Variants in KIAA0319L observed in about 807,000 individuals in gnomAD.
The protein encoded by KIAA0319L is KIAA0319 like, also known as dyslexia-associated protein KIAA0319-like protein.
KIAA0319L carries 55 observed loss-of-function variants against 120.1 expected under a neutral mutation model. That is an observed-to-expected ratio of 0.46 (90% CI 0.37 to 0.57). The LOEUF (loss-of-function observed/expected upper bound fraction) is 0.57, where lower values mean the gene tolerates loss of function less well. Ranked by LOEUF, KIAA0319L falls within the 20% of genes least tolerant of loss-of-function variation. The probability of loss-of-function intolerance (pLI) is 0.00; values close to 1 mark genes in which losing one functional copy is unlikely to be tolerated. For missense variants in KIAA0319L, 1,049 were observed against 1,255.3 expected (o/e 0.84, Z 2.48); for synonymous variants, 398 against 471.9 (o/e 0.84, Z 2.03).
chr1:35,521,718 A>G (rs758151079), intron 2 of KIAA0319L, among the ~76,000 whole-genome samples: 1 of 151,898 alleles, frequency 6.6e-6, no homozygotes, highest in Non-Finnish European at 1.5e-5. Context: ...CACGCCTGTA[A>G]TCCCAGCACT....
intron 13 of KIAA0319L, 88 bp downstream of exon 13, chr1:35,451,540 T>C: frequency 1.5e-6 from 2 of 1,337,184 alleles, no homozygotes; most frequent in African/African-American, 2.9e-5. Flanking sequence ...CTATCTCTAA[T>C]CAATTTCTGC....
At chr1:35,529,333 T>C (rs1646273500) in intron 2 of KIAA0319L, among the ~76,000 whole-genome samples, 1 of 152,254 alleles carries the variant, frequency 6.6e-6, no homozygotes. Context: ...TCCTTTCTTA[T>C]TGTTATGGTT....
At chr1:35,489,122 G>A (rs889667331) in intron 3 of KIAA0319L, among the ~76,000 whole-genome samples, 2 of 152,070 alleles carry the variant, frequency 1.3e-5, no homozygotes, top group Admixed American at 1.3e-4. Context: ...CCAAACTTGG[G>A]AAGTAAATAT....
intron 2 of KIAA0319L, among the ~76,000 whole-genome samples, chr1:35,551,014 C>A (rs1035005172): frequency 2.0e-5 from 3 of 152,196 alleles, no homozygotes; most frequent in African/African-American, 7.2e-5. Context: ...TCATTCACAA[C>A]TATCTAAGTG....
chr1:35,535,269 CA>C (rs1646532140), intron 2 of KIAA0319L, among the ~76,000 whole-genome samples: 1 of 152,146 alleles, frequency 6.6e-6, no homozygotes, highest in Admixed American at 6.6e-5. Flanking sequence ...AAACCACCCT[CA>C]TTTAGTCTAG....
intron 3 of KIAA0319L, among the ~76,000 whole-genome samples, chr1:35,498,165 G>A (rs1644880090): frequency 2.6e-5 from 4 of 151,792 alleles, no homozygotes; most frequent in South Asian, 2.1e-4. Context: ...AAACCCTGTC[G>A]CTACAAAAAT....
Position 35,552,179 on chromosome 1 carries a change from TA to T in KIAA0319L, c.142+2170del, listed in dbSNP as rs1415382955. ...CAACATGGAGAAACCTGGTCTCTAC[TA>T]AAGATACAAAAATTAGCTGGGTGTG... On this transcript the variant is annotated intron_variant, in intron 2 of 20. Transcript: ENST00000325722. Among the ~76,000 whole-genome samples, 4 of 152,266 alleles carry T rather than the reference TA, an allele frequency of 2.6e-5. No individual in the cohort carries two copies. The East Asian group carries it at 7.7e-4, about 29-fold the overall frequency.
At chr1:35,442,816 T>C in intron 18 of KIAA0319L, 90 bp downstream of exon 18, 3 of 1,500,720 alleles carry the variant, frequency 2.0e-6, no homozygotes. Flanking sequence ...TGCCTGCTCA[T>C]CTGCTTCAGA....
At chr1:35,518,597 A>C in intron 2 of KIAA0319L, among the ~76,000 whole-genome samples, 1 of 152,132 alleles carries the variant, frequency 6.6e-6, no homozygotes, top group East Asian at 1.9e-4. Context: ...AAAAATAACT[A>C]TTGGGTACTA....
intron 2 of KIAA0319L, among the ~76,000 whole-genome samples, chr1:35,540,499 T>C (rs1430695530): frequency 1.3e-5 from 2 of 152,054 alleles, no homozygotes; most frequent in Non-Finnish European, 2.9e-5. Context: ...CACTTCCAAC[T>C]TGGGGGCAAA....
At chr1:35,522,615 G>T (rs114408550) in intron 2 of KIAA0319L, among the ~76,000 whole-genome samples, 5 of 151,892 alleles carry the variant, frequency 3.3e-5, no homozygotes, top group Admixed American at 2.0e-4. Context: ...CAATGTACCC[G>T]TATTATTTTC....
chr1:35,534,880 A>AAAAAAAAAAAAAAC (rs1646512646), intron 2 of KIAA0319L, among the ~76,000 whole-genome samples: 1 of 136,960 alleles, frequency 7.3e-6, no homozygotes, highest in Non-Finnish European at 1.5e-5. Context: ...AAAAAAAAAA[A>AAAAAAAAAAAAAAC]AAAGAAAGAA....
intron 2 of KIAA0319L, among the ~76,000 whole-genome samples, chr1:35,525,638 T>C (rs890964927): frequency 2.0e-5 from 3 of 152,204 alleles, no homozygotes; most frequent in Non-Finnish European, 4.4e-5. Context: ...GTTAATCATT[T>C]TTATGTCTGG....
intron 6 of KIAA0319L, among the ~76,000 whole-genome samples, chr1:35,469,217 T>TA (rs1643463096): frequency 6.6e-6 from 1 of 152,160 alleles, no homozygotes; most frequent in South Asian, 2.1e-4. Context: ...TTTGTGGAGT[T>TA]AGAGTTTCAC....
rs566101287 is a variant in KIAA0319L, at chr1:35,511,206, T to G, written c.143-4071A>C. 5.8e-5 allele frequency: 9 copies of G among 154,828 alleles called. No individual in the cohort carries two copies. The East Asian group carries it at 1.5e-3, about 26-fold the overall frequency. The allele number at this position is 154,828 out of a possible 1,614,324, so 9.6% of individuals were successfully genotyped here. Reference sequence around the variant, plus strand: ...AAATAAACCCTATCAGGGCAATGACTGTAGGAAAGCCTTTACAAAGAGCTC... The same window carrying G: ...AAATAAACCCTATCAGGGCAATGACGGTAGGAAAGCCTTTACAAAGAGCTC... On this transcript the variant is annotated intron_variant, in intron 2 of 20. Transcript: ENST00000325722.
intron 2 of KIAA0319L, among the ~76,000 whole-genome samples, chr1:35,518,045 T>C (rs1645753689): frequency 6.6e-6 from 1 of 152,166 alleles, no homozygotes; most frequent in Admixed American, 6.5e-5. Context: ...TCAGAATGGC[T>C]ATTATCAAAA....
At chr1:35,482,632 T>C (rs1325221434) in intron 3 of KIAA0319L, among the ~76,000 whole-genome samples, 1 of 152,138 alleles carries the variant, frequency 6.6e-6, no homozygotes, top group African/African-American at 2.4e-5. Context: ...TTTCTCCATG[T>C]TGGTCAGGCT....
intron 3 of KIAA0319L, among the ~76,000 whole-genome samples, chr1:35,491,645 C>A (rs1310253509): frequency 1.3e-5 from 2 of 151,772 alleles, no homozygotes; most frequent in African/African-American, 4.8e-5. Flanking sequence ...AGGATTAGCG[C>A]AGAAATCAAT....
At chr1:35,551,200 T>C (rs745925852) in intron 2 of KIAA0319L, among the ~76,000 whole-genome samples, 2 of 152,246 alleles carry the variant, frequency 1.3e-5, no homozygotes, top group Non-Finnish European at 2.9e-5. Flanking sequence ...ATCAATATGA[T>C]AGATTTAAAA....
Sources: gnomAD v4.1 joint callset for allele counts (sites outside exome capture counted in the v4.1 genomes callset) on GRCh38, gnomAD v4.1.1 for gene constraint, MANE v1.5 for transcripts, NCBI Gene and HGNC (gene_info 2026-07-23, HGNC 2026-07-21) for gene names.